Variants in INSYN2A observed in about 807,000 individuals in gnomAD.
INSYN2A encodes inhibitory synaptic factor 2A, also known as family with sequence similarity 196 member A.
Under a neutral mutation model 39.4 loss-of-function variants are expected in INSYN2A, and 17 were observed. The ratio of observed to expected loss-of-function variants is 0.43; its 90% CI spans 0.30 to 0.65. The LOEUF (loss-of-function observed/expected upper bound fraction) is 0.65. Ranked by LOEUF, INSYN2A falls within the 30% of genes least tolerant of loss-of-function variation. The pLI is 0.14. For synonymous variants in INSYN2A, 255 were observed against 265.7 expected (o/e 0.96, Z 0.39); for missense variants, 595 against 631.2 (o/e 0.94, Z 0.61).
At position 127,137,739 on chromosome 10, in the gene INSYN2A, G is replaced by T; in HGVS notation, c.*98C>A. The T allele has an allele frequency of 8.7e-7, 1 of 1,155,226 alleles. No individual in the cohort carries two copies. The highest frequency in any genetic ancestry group is 1.2e-6 in the Non-Finnish European group (1 of 820,366). 71.6% of individuals were successfully genotyped at this position (1,155,226 alleles called of 1,614,324 possible). A position where few individuals can be genotyped will look rare whatever the true frequency, so the allele number is the denominator to read the frequency against. ...CGAGAAGTGGGAGGTGCCTGAATGG[G>T]CACCACAGTTCCCTCGATCCTATTC... On this transcript the variant is annotated 3_prime_UTR_variant, in exon 6 of 6. Coordinates refer to ENST00000522781, the MANE Select transcript of INSYN2A (RefSeq NM_001039762.3).
chr10:127,176,335 C>T lies in INSYN2A; in HGVS notation c.61G>A (p.Ala21Thr), dbSNP rs762172825. Residue 21 changes from alanine (A) to threonine (T), a missense_variant, in exon 4 of 6, where the codon GCC becomes ACC. Physicochemically the swap from Ala to Thr is moderately conservative, Grantham distance 58 (BLOSUM62 0). Around this residue, in one of 2 missense-constraint regions of INSYN2A, gnomAD observed 478 missense variants for 467.4 expected, o/e 1.02. Coordinates refer to ENST00000522781, the MANE Select transcript of INSYN2A (RefSeq NM_001039762.3). This position sits in a 1 kb window ranked among gnomAD's most constrained non-coding sequence, Gnocchi z 4.4. ...TTCATCTCCAGGGCCAGGCAGGCGG[C>T]GGGTTCCACTTCACTCTCCGACGTT... ...LTTSESEVEP[A>T]ACLALEMKYA... 47 of 1,613,724 alleles carry T rather than the reference C, an allele frequency of 2.9e-5. No individual in the cohort carries two copies. The Admixed American group carries it at 4.5e-4, about 15-fold the overall frequency.
intron 4 of INSYN2A, among the ~76,000 whole-genome samples, chr10:127,170,886 G>A (rs578182261): frequency 3.9e-5 from 6 of 152,276 alleles, no homozygotes; most frequent in South Asian, 2.1e-4. Context: ...ATGCAAGCCC[G>A]CACTGCATAA....
chr10:127,146,040 C>A (rs760792735), intron 5 of INSYN2A: 1 of 518,538 alleles, frequency 1.9e-6, no homozygotes, highest in Admixed American at 1.9e-5. Context: ...TCATACGACC[C>A]AGCCCTAGAC....
chr10:127,163,644 C>A (rs1031829106), intron 4 of INSYN2A, among the ~76,000 whole-genome samples: 14 of 152,126 alleles, frequency 9.2e-5, no homozygotes, highest in Non-Finnish European at 1.3e-4. Context: ...TGTGATGCGT[C>A]TGTCTAAATA....
intron 4 of INSYN2A, among the ~76,000 whole-genome samples, chr10:127,156,551 TTCTTCTTCTTC>T (rs1291555215): frequency 2.2e-4 from 21 of 94,906 alleles, no homozygotes; most frequent in African/African-American, 3.9e-4. Context: ...CTTCTTCTTC[TTCTTCTTCTTC>T]TTTTTTTTTT....
intron 5 of INSYN2A, among the ~76,000 whole-genome samples, chr10:127,145,368 A>G (rs1179274207): frequency 6.6e-6 from 1 of 152,186 alleles, no homozygotes; most frequent in South Asian, 2.1e-4. Context: ...CCATCCCCCT[A>G]GGAAGCCAGG....
intron 2 of INSYN2A, among the ~76,000 whole-genome samples, chr10:127,190,917 C>T (rs954974439): frequency 7.2e-5 from 11 of 152,166 alleles, no homozygotes; most frequent in Non-Finnish European, 1.5e-4. Flanking sequence ...TGGTTTGCCT[C>T]TAGTTATACC....
At chr10:127,166,988 A>G (rs1256335801) in intron 4 of INSYN2A, among the ~76,000 whole-genome samples, 1 of 152,100 alleles carries the variant, frequency 6.6e-6, no homozygotes, top group Non-Finnish European at 1.5e-5. Flanking sequence ...TTTAAATTAC[A>G]TTTTCATGTA....
chr10:127,175,426 G>C lies in INSYN2A; in HGVS notation c.970C>G (p.Gln324Glu), dbSNP rs1174409541. The C allele has an allele frequency of 1.2e-6, 2 of 1,612,874 alleles. No homozygotes were observed. The highest frequency in any genetic ancestry group is 1.7e-6 in the Non-Finnish European group (2 of 1,180,050). The change falls in exon 4 of 6, where the codon CAG (glutamine) becomes GAG (glutamate). Residue 324 changes from glutamine (Q) to glutamate (E), a missense_variant. This residue lies in a region of INSYN2A where 478 missense variants were observed against 467.4 expected (regional missense o/e 1.02). Transcript: ENST00000522781. The surrounding 1 kb of genome is among the most constrained non-coding windows in gnomAD (Gnocchi z 6.3). ...CCCAGCCCCGGCGGGGTGTGAGTCT[G>C]CGACGGCTGCTCACTACATTCGGGG... ...LSPECSEQPS[Q>E]THTPPGLGNQ...
At chr10:127,161,792 C>T (rs1042766646) in intron 4 of INSYN2A, among the ~76,000 whole-genome samples, 5 of 152,046 alleles carry the variant, frequency 3.3e-5, no homozygotes, top group African/African-American at 7.2e-5. Flanking sequence ...TTTCTTTGTT[C>T]GCCAGTCACA....
intron 2 of INSYN2A, among the ~76,000 whole-genome samples, chr10:127,182,614 G>C (rs2055844350): frequency 6.6e-6 from 1 of 152,108 alleles, no homozygotes; most frequent in Admixed American, 6.5e-5. Flanking sequence ...TGGAAAATAT[G>C]CCTCCTTGAA....
rs552270989 is a variant in INSYN2A at position 127,152,541 on chromosome 10, G to T, written c.1256+1311C>A. Among the ~76,000 whole-genome samples, 14 of 152,282 alleles carry T rather than the reference G, an allele frequency of 9.2e-5. 1 individual carries two copies. The South Asian group carries it at 2.9e-3, about 32-fold the overall frequency. On this transcript the variant is annotated intron_variant, in intron 5 of 5. Transcript: ENST00000522781. ...GCCTCTTACAACACTCTAAGGTGGG[G>T]GTGGTTTCAGTAAGGTAGGCTTTCT...
intron 2 of INSYN2A, among the ~76,000 whole-genome samples, 194 bp downstream of exon 2, chr10:127,192,411 T>G (rs1234309635): frequency 2.0e-5 from 3 of 152,232 alleles, no homozygotes; most frequent in African/African-American, 4.8e-5. Context: ...TCAGTCCCAA[T>G]TAGAGCTGGG....
intron 4 of INSYN2A, among the ~76,000 whole-genome samples, chr10:127,169,955 T>C (rs988702446): frequency 1.3e-5 from 2 of 152,126 alleles, no homozygotes; most frequent in African/African-American, 2.4e-5. Flanking sequence ...AACACCACCG[T>C]AAGCGGCACC....
chr10:127,141,684 A>G (rs554195038), intron 5 of INSYN2A, among the ~76,000 whole-genome samples: 2 of 152,096 alleles, frequency 1.3e-5, no homozygotes, highest in African/African-American at 2.4e-5. Context: ...AACAAAAAAA[A>G]AAAAAAAGCA....
At chr10:127,173,736 C>T (rs762573953) in intron 4 of INSYN2A, among the ~76,000 whole-genome samples, 92 of 152,248 alleles carry the variant, frequency 6.0e-4, no homozygotes, top group Non-Finnish European at 1.2e-3. Context: ...AATCACTGGT[C>T]TCCCCCACCC....
chr10:127,164,557 A>G (rs1014768733), intron 4 of INSYN2A, among the ~76,000 whole-genome samples: 2 of 152,174 alleles, frequency 1.3e-5, no homozygotes, highest in South Asian at 2.1e-4. Context: ...TCACAGAGCC[A>G]TCATGCATGA....
intron 4 of INSYN2A, among the ~76,000 whole-genome samples, chr10:127,163,624 C>T (rs7908501): frequency 0.31 from 46,849 of 151,898 alleles, 7,685 homozygotes; most frequent in African/African-American, 0.41. Context: ...AAATAGGACT[C>T]TCACAATTTT....
chr10:127,139,279 T>C (rs2050998316), intron 5 of INSYN2A, among the ~76,000 whole-genome samples: 1 of 152,172 alleles, frequency 6.6e-6, no homozygotes, highest in African/African-American at 2.4e-5. Context: ...ACAGCCAAGC[T>C]ATATTATCTG....
Sources: gnomAD v4.1 joint callset for allele counts (sites outside exome capture counted in the v4.1 genomes callset) on GRCh38, gnomAD v4.1.1 for gene constraint, gnomAD v4.1.1 regional missense constraint, Gnocchi (gnomAD v3.1) non-coding constraint, MANE v1.5 for transcripts, NCBI Gene and HGNC (gene_info 2026-07-23, HGNC 2026-07-21) for gene names.